Variants in FHIT observed in about 807,000 individuals in gnomAD.
FHIT encodes the protein bis(5'-adenosyl)-triphosphatase.
FHIT carries 19 observed loss-of-function variants against 17.9 expected under a neutral mutation model. That is an observed-to-expected ratio of 1.06 (90% CI 0.74 to 1.56). The LOEUF is 1.56. FHIT is among the 40% of genes most tolerant of loss of function. FHIT has a pLI of 0.00. For synonymous variants in FHIT, 81 were observed against 69.7 expected, an observed-to-expected ratio of 1.16 and a Z score of -0.81; for missense variants, 248 against 189.2, an observed-to-expected ratio of 1.31 and a Z score of -1.82.
At chr3:60,885,695 G>A (rs782630444) in intron 3 of FHIT, among the ~76,000 whole-genome samples, 2 of 152,008 alleles carry the variant, frequency 1.3e-5, no homozygotes, top group East Asian at 3.9e-4. Flanking sequence ...TCCTCTTTCT[G>A]ATACATCATG....
At chr3:60,737,823 C>A (rs1350285532) in intron 4 of FHIT, among the ~76,000 whole-genome samples, 1 of 152,174 alleles carries the variant, frequency 6.6e-6, no homozygotes, top group African/African-American at 2.4e-5. Context: ...TGTAAGTACA[C>A]AGTTGCTTTC....
intron 3 of FHIT, among the ~76,000 whole-genome samples, chr3:60,872,021 A>G: frequency 6.6e-6 from 1 of 152,072 alleles, no homozygotes; most frequent in East Asian, 1.9e-4. Context: ...TCAACTGATA[A>G]AAAGAAACCT....
rs376514786 is a variant in FHIT, at chr3:60,716,445, A to C, written c.-18+105474T>G. Among the ~76,000 whole-genome samples, 51 of 152,234 alleles carry C rather than the reference A, an allele frequency of 3.4e-4. 1 individual carries two copies. In the East Asian group the frequency reaches 4.2e-3, roughly 13 times the overall value. ...CTAAGAAAAACACAAACATTAGGTT[A>C]AGCCTACACCCGGATGGTATCATCA... On this transcript the variant is annotated intron_variant, in intron 4 of 9. Transcript: ENST00000492590.
chr3:59,801,725 C>T (rs1338867858), intron 8 of FHIT, among the ~76,000 whole-genome samples: 2 of 152,056 alleles, frequency 1.3e-5, no homozygotes, highest in Non-Finnish European at 2.9e-5. Flanking sequence ...GGTGTCACCA[C>T]CCTCACTGTA....
At chr3:60,765,710 G>T (rs1442435017) in intron 4 of FHIT, 1 of 152,278 alleles carries the variant, frequency 6.6e-6, no homozygotes, top group Non-Finnish European at 1.5e-5. Flanking sequence ...TGTCTGTGAG[G>T]GTGTTGCCAG....
At chr3:60,634,524 T>C (rs2039529232) in intron 4 of FHIT, among the ~76,000 whole-genome samples, 2 of 152,214 alleles carry the variant, frequency 1.3e-5, no homozygotes, top group Non-Finnish European at 2.9e-5. Flanking sequence ...TACAGAGTGT[T>C]AAAGGCATCA....
rs998964876 is a variant in FHIT, at chr3:60,301,600, C to A, written c.103+235260G>T. 2.6e-5 allele frequency among the ~76,000 whole-genome samples: 4 copies of A among 152,114 alleles called. No individual in the cohort carries two copies. The South Asian group carries it at 6.2e-4, about 24-fold the overall frequency. On this transcript the variant is annotated intron_variant, in intron 5 of 9. Transcript: ENST00000492590. Reference sequence around the variant, plus strand: ...CCCTTCTCCAGTTCCTTTTGACATACCCCCCAGTTTCCCTGGTGTTGGTTC... The same window carrying A: ...CCCTTCTCCAGTTCCTTTTGACATAACCCCCAGTTTCCCTGGTGTTGGTTC...
intron 4 of FHIT, among the ~76,000 whole-genome samples, chr3:60,771,413 A>C (rs969528205): frequency 6.6e-5 from 10 of 152,230 alleles, no homozygotes; most frequent in Admixed American, 1.3e-4. Context: ...GTCATTTCAA[A>C]ACAGGAACGG....
intron 5 of FHIT, among the ~76,000 whole-genome samples, chr3:60,164,882 A>G (rs1384939798): frequency 1.3e-5 from 2 of 152,130 alleles, no homozygotes; most frequent in African/African-American, 2.4e-5. Flanking sequence ...ATTCTTCCCT[A>G]TGGCTCTGTC....
In FHIT at chr3:60,070,462, C is replaced by T. The variant is rs191471557; in HGVS notation, c.104-56310G>A. 1.4e-4 allele frequency among the ~76,000 whole-genome samples: 22 copies of T among 152,306 alleles called. No individual in the cohort carries two copies. In the East Asian group the frequency reaches 2.7e-3, roughly 19 times the overall value. On this transcript the variant is annotated intron_variant, in intron 5 of 9. Coordinates refer to ENST00000492590, the MANE Select transcript of FHIT (RefSeq NM_002012.4). ...AAAATGAACCAATCATGCATCATGA[C>T]GATGATACAGCTTTCATTAATAAGA...
At chr3:59,963,270 A>AAT (rs1707769851) in intron 7 of FHIT, among the ~76,000 whole-genome samples, 1 of 150,326 alleles carries the variant, frequency 6.7e-6, no homozygotes, top group African/African-American at 2.4e-5. Context: ...CCATCTCAAA[A>AAT]AATAATAATA....
rs72875129 is a variant in FHIT, at chr3:59,942,264, T to C, written c.280-19850A>G. On this transcript the variant is annotated intron_variant, in intron 7 of 9. Transcript: ENST00000492590. Reference sequence around the variant, plus strand: ...TCTCAGCCTGCCCTTCCTATAGACATATTATTTGATGCTTATGCAAAGATC... The same window carrying C: ...TCTCAGCCTGCCCTTCCTATAGACACATTATTTGATGCTTATGCAAAGATC... Among the ~76,000 whole-genome samples, 1,346 of 152,262 alleles carry C rather than the reference T, an allele frequency of 8.8e-3. 19 individuals carry two copies. The highest frequency in any genetic ancestry group is 0.03 in the African/African-American group (1,263 of 41,560).
intron 8 of FHIT, among the ~76,000 whole-genome samples, chr3:59,895,836 C>T (rs1019545012): frequency 6.6e-6 from 1 of 152,214 alleles, no homozygotes; most frequent in Non-Finnish European, 1.5e-5. Flanking sequence ...GGGCTTAAAA[C>T]ATCTTACAAA....
At chr3:60,178,685 T>C (rs1324774992) in intron 5 of FHIT, among the ~76,000 whole-genome samples, 2 of 152,170 alleles carry the variant, frequency 1.3e-5, no homozygotes, top group Non-Finnish European at 2.9e-5. Context: ...TTACTCACTA[T>C]TTAAACTACG....
intron 2 of FHIT, among the ~76,000 whole-genome samples, chr3:61,100,636 A>C (rs1190940747): frequency 1.1e-4 from 17 of 152,222 alleles, no homozygotes. Flanking sequence ...GAATTGCCAC[A>C]CTGTCTTCCA....
chr3:60,504,396 C>T (rs901248147), intron 5 of FHIT, among the ~76,000 whole-genome samples: 1 of 151,324 alleles, frequency 6.6e-6, no homozygotes, highest in Non-Finnish European at 1.5e-5. Flanking sequence ...ATCTCCACTG[C>T]ACTCCAGCCT....
rs558809044 is a variant in FHIT at position 61,033,804 on chromosome 3, C to T, written c.-111+8243G>A. Among the ~76,000 whole-genome samples the T allele has an allele frequency of 5.3e-5, 8 of 152,292 alleles. No individual in the cohort carries two copies. In the East Asian group the frequency reaches 1.5e-3, roughly 29 times the overall value. ...ACAAATCTGAAATTCTTGCAGGTCACTATTGCTGAAAATTCAACAGAAGAA... is the reference window on the plus strand; with the variant it reads ...ACAAATCTGAAATTCTTGCAGGTCATTATTGCTGAAAATTCAACAGAAGAA... On this transcript the variant is annotated intron_variant, in intron 3 of 9. Coordinates refer to ENST00000492590, the MANE Select transcript of FHIT (RefSeq NM_002012.4).
At chr3:60,432,545 AG>A (rs1702955756) in intron 5 of FHIT, among the ~76,000 whole-genome samples, 1 of 152,086 alleles carries the variant, frequency 6.6e-6, no homozygotes, top group Non-Finnish European at 1.5e-5. Context: ...TTCTTTTAAA[AG>A]CTTCTGAGGA....
At chr3:59,938,509 T>C (rs891086132) in intron 7 of FHIT, among the ~76,000 whole-genome samples, 11 of 152,156 alleles carry the variant, frequency 7.2e-5, no homozygotes, top group African/African-American at 2.7e-4. Flanking sequence ...GGTAAAACTG[T>C]ACTGTATTTG....
Sources: gnomAD v4.1 joint callset for allele counts (sites outside exome capture counted in the v4.1 genomes callset) on GRCh38, gnomAD v4.1.1 for gene constraint, MANE v1.5 for transcripts, NCBI Gene and HGNC (gene_info 2026-07-23, HGNC 2026-07-21) for gene names.